The following MOGAT3 variants were observed in gnomAD, a reference collection of about 807,000 sequenced individuals.
MOGAT3 encodes the protein monoacylglycerol O-acyltransferase 3.
MOGAT3 carries 39 observed loss-of-function variants against 34.4 expected under a neutral mutation model. The ratio of observed to expected loss-of-function variants is 1.13; its 90% CI spans 0.88 to 1.48. MOGAT3 has a LOEUF of 1.48. MOGAT3 is among the 40% of genes most tolerant of loss of function. The pLI, the probability that MOGAT3 is intolerant of heterozygous loss-of-function variation, is 0.00. For synonymous variants in MOGAT3, 209 were observed against 179.2 expected (o/e 1.17, Z -1.33); for missense variants, 439 against 438.9 (o/e 1.00, Z 0.00).
intron 5 of MOGAT3, among the ~76,000 whole-genome samples, 153 bp from the exon 6 acceptor site, chr7:101,196,542 A>G (rs1323832250): frequency 6.6e-6 from 1 of 152,156 alleles, no homozygotes; most frequent in Non-Finnish European, 1.5e-5. Context: ...AAAGATCTAG[A>G]AGACAGGACT....
At position 101,200,226 on chromosome 7, in the gene MOGAT3, C is replaced by A. The variant is rs754469202; in HGVS notation, c.288+8G>T. 3 of 1,612,334 alleles carry A rather than the reference C, an allele frequency of 1.9e-6. No individual in the cohort carries two copies. The South Asian group carries it at 3.3e-5, about 18-fold the overall frequency. On this transcript the variant is annotated splice_region_variant and intron_variant, in intron 3 of 6. Coordinates refer to ENST00000223114, the MANE Select transcript of MOGAT3 (RefSeq NM_178176.4). ...AGGAAGCAGTTTTTCTGCAGGGTGA[C>A]CCATCACCTTGACAGGATAATAATC...
Position 101,200,307 on chromosome 7 carries a change from G to T in MOGAT3, c.218-3C>A, listed in dbSNP as rs1234877522. 1 of 1,613,838 alleles carries T rather than the reference G, an allele frequency of 6.2e-7. No homozygotes were observed. Among genetic ancestry groups the T allele is most frequent in the African/African-American group, 1.3e-5 (1 of 74,888 alleles). On this transcript the variant is annotated splice_polypyrimidine_tract_variant and splice_region_variant and intron_variant, in intron 2 of 6. Coordinates refer to ENST00000223114, the MANE Select transcript of MOGAT3 (RefSeq NM_178176.4). ...TATCCACTCCGAACGCCTTCCACCT[G>T]CGGACAATGAGATACTGGTGGACGA...
downstream of MOGAT3, among the ~76,000 whole-genome samples, chr7:101,194,679 T>C (rs1797739105): frequency 4.0e-5 from 6 of 151,184 alleles, no homozygotes; most frequent in Admixed American, 4.0e-4. Flanking sequence ...GTTTTTGTAT[T>C]TTTAGTAGAG....
intron 1 of MOGAT3, 60 bp from the exon 2 acceptor site, chr7:101,200,575 T>A: frequency 7.0e-7 from 1 of 1,425,992 alleles, no homozygotes; most frequent in Non-Finnish European, 9.7e-7. Flanking sequence ...TCCCTCCAGC[T>A]GCTCCCTTCC....
intron 3 of MOGAT3, 36 bp downstream of exon 3, chr7:101,200,198 G>T (rs750208754): frequency 1.3e-6 from 2 of 1,571,592 alleles, no homozygotes; most frequent in South Asian, 1.1e-5. Context: ...GATGGGGAGA[G>T]GTAGGAAGCA....
chr7:101,198,842 T>A lies in MOGAT3; in HGVS notation c.289-12A>T, dbSNP rs747789341. ...GCTGTTTTCACCAGCTTCGGGGTGTTGAGCAGGATGAAGGGAGGATGGAAG... is the reference window on the plus strand; with the variant it reads ...GCTGTTTTCACCAGCTTCGGGGTGTAGAGCAGGATGAAGGGAGGATGGAAG... On this transcript the variant is annotated splice_polypyrimidine_tract_variant and intron_variant, in intron 3 of 6. Transcript: ENST00000223114. 1.3e-5 allele frequency: 21 copies of A among 1,613,194 alleles called. No homozygotes were observed. The highest frequency in any genetic ancestry group is 1.7e-5 in the Non-Finnish European group (20 of 1,179,624).
chr7:101,198,074 G>A (rs1797842325), intron 5 of MOGAT3, 117 bp downstream of exon 5: 27 of 1,199,986 alleles, frequency 2.3e-5, no homozygotes, highest in Non-Finnish European at 3.1e-5. Context: ...TCGGTGCAGG[G>A]CAGGGCGCTG....
Position 101,196,385 on chromosome 7 carries a change from A to G in MOGAT3, c.673T>C (p.Ser225Pro). The change falls in exon 6 of 7, where the codon TCC becomes CCC. Residue 225 changes from serine to proline, a missense_variant. By Grantham distance (74) the Ser-to-Pro change is moderately conservative. Transcript: ENST00000223114. ...FVRLALRHGA[S>P]LVPVYSFGEN... ...CCAAAGGAGTACACGGGCACCAGGGACGCCCTGGGAAGGAGCAAGAGAGAA... is the reference window on the plus strand; with the variant it reads ...CCAAAGGAGTACACGGGCACCAGGGGCGCCCTGGGAAGGAGCAAGAGAGAA... The G allele has an allele frequency of 6.2e-7, 1 of 1,608,682 alleles. No individual in the cohort carries two copies. Among genetic ancestry groups the G allele is most frequent in the South Asian group, 1.1e-5 (1 of 90,466 alleles).
At chr7:101,199,049 C>T (rs1797883150) in intron 3 of MOGAT3, among the ~76,000 whole-genome samples, 1 of 142,586 alleles carries the variant, frequency 7.0e-6, no homozygotes, top group African/African-American at 2.7e-5. Flanking sequence ...GTAGCCCAGG[C>T]TGAAGTGCAG....
At position 101,198,258 on chromosome 7, in the gene MOGAT3, C is replaced by T; in HGVS notation, c.601G>A (p.Val201Ile). 2 of 1,613,520 alleles carry T rather than the reference C, an allele frequency of 1.2e-6. No homozygotes were observed. The highest frequency in any genetic ancestry group is 1.7e-6 in the Non-Finnish European group (2 of 1,179,722). The change falls in exon 5 of 7, where the codon GTC becomes ATC. Residue 201 changes from valine (V) to isoleucine (I), a missense_variant. Val to Ile is a conservative substitution (Grantham distance 29). Coordinates refer to ENST00000223114, the MANE Select transcript of MOGAT3 (RefSeq NM_178176.4). ...AGCGTAAGGCAGTGCTCCCCGGGGACTGAATACAGGGCCTCGTGCGCACCC... is the reference window on the plus strand; with the variant it reads ...AGCGTAAGGCAGTGCTCCCCGGGGATTGAATACAGGGCCTCGTGCGCACCC... Reference protein sequence around the residue: ...VGGAHEALYSVPGEHCLTLQK... With the variant: ...VGGAHEALYSIPGEHCLTLQK...
chr7:101,198,785 C>T lies in MOGAT3; in HGVS notation c.334G>A (p.Gly112Ser). The change falls in exon 4 of 7, where the codon GGC (glycine) becomes AGC (serine). Residue 112 changes from glycine (G) to serine (S), a missense_variant. Gly to Ser is a moderately conservative substitution (Grantham distance 56). Transcript: ENST00000223114. The part of the protein sequence containing the change: ...ELPPDRNYVL[G>S]AHPHGIMCTG... ...CACATGATCCCATGAGGGTGGGCGC[C>T]CAGCACGTAGTTCCGATCCGGGGGC... 6.2e-7 allele frequency: 1 copy of T among 1,613,886 alleles called. No homozygotes were observed.
At chr7:101,198,942 A>C in intron 3 of MOGAT3, 112 bp from the exon 4 acceptor site, 1 of 875,856 alleles carries the variant, frequency 1.1e-6, no homozygotes, top group East Asian at 2.5e-5. Flanking sequence ...GATAGGGTCA[A>C]GGGCCACCCC....
At chr7:101,198,428 C>G (rs1482380844) in intron 4 of MOGAT3, 63 bp from the exon 5 acceptor site, 7 of 1,475,090 alleles carry the variant, frequency 4.7e-6, no homozygotes, top group Non-Finnish European at 6.3e-6. Flanking sequence ...CGCCCCTCAC[C>G]CAGCCTTTAG....
chr7:101,200,148 A>G, intron 3 of MOGAT3, 86 bp downstream of exon 3: 1 of 1,160,528 alleles, frequency 8.6e-7, no homozygotes, highest in Admixed American at 1.7e-5. Flanking sequence ...CGGGGAGCTC[A>G]GGCCCCAGCA....
chr7:101,198,097 C>A, intron 5 of MOGAT3, 94 bp downstream of exon 5: 1 of 1,418,574 alleles, frequency 7.0e-7, no homozygotes. Flanking sequence ...CTCTGGGCAC[C>A]CGGATCCCCC....
Position 101,198,196 on chromosome 7 carries a change from C to A in MOGAT3, c.663G>T (p.Arg221Ser), listed in dbSNP as rs1284789809. 4.3e-6 allele frequency: 7 copies of A among 1,611,778 alleles called. No individual in the cohort carries two copies. In the African/African-American group the frequency reaches 8.0e-5, roughly 18 times the overall value. ...KRKGFVRLAL[R>S]HGASLVPVYS... ...GGGCCTGCACGCGCACTCACCCGTG[C>A]CTCAGCGCCAGGCGCACGAAGCCTT... is the stretch of plus-strand genomic sequence containing the variant. The change falls in exon 5 of 7, where the codon AGG becomes AGT. Residue 221 changes from arginine (R) to serine (S), a missense_variant. Physicochemically the swap from Arg to Ser is moderately radical, Grantham distance 110. Transcript: ENST00000223114.
chr7:101,199,000 GTTT>G (rs56137538), intron 3 of MOGAT3, among the ~76,000 whole-genome samples, 170 bp from the exon 4 acceptor site: 8 of 100,186 alleles, frequency 8.0e-5, no homozygotes, highest in Admixed American at 2.2e-4. Flanking sequence ...AAGGGCCCAG[GTTT>G]TTTTTTTTTT....
At position 101,195,828 on chromosome 7, in the gene MOGAT3, C is replaced by T. The variant is rs1257722789; in HGVS notation, c.*118G>A. The T allele has an allele frequency of 3.5e-6, 4 of 1,151,082 alleles. No homozygotes were observed. Among genetic ancestry groups the T allele is most frequent in the African/African-American group, 3.1e-5 (2 of 65,462 alleles). The allele number at this position is 1,151,082 out of a possible 1,614,324, so 71.3% of individuals were successfully genotyped here. ...TTGGCCTCCCAAAGTGCTGGGATTA[C>T]AGGCATGAGGCACTGCGCTGGGCCC... On this transcript the variant is annotated 3_prime_UTR_variant, in exon 7 of 7. Transcript: ENST00000223114.
chr7:101,198,807 G>C lies in MOGAT3; in HGVS notation c.312C>G (p.Pro104=), dbSNP rs368078678. The C allele has an allele frequency of 4.3e-6, 7 of 1,613,868 alleles. No individual in the cohort carries two copies. The highest frequency in any genetic ancestry group is 2.7e-5 in the African/African-American group (2 of 74,870). Reference sequence around the variant, plus strand: ...CGCCCAGCACGTAGTTCCGATCCGGGGGCAGCTCTGCTGTTTTCACCAGCT... The same window carrying C: ...CGCCCAGCACGTAGTTCCGATCCGGCGGCAGCTCTGCTGTTTTCACCAGCT... The part of the protein sequence containing the change: ...PVKLVKTAEL[P]PDRNYVLGAH... The change falls in exon 4 of 7, where the codon CCC becomes CCG. Residue 104 remains proline (P), a synonymous_variant. Transcript: ENST00000223114.
Sources: allele counts gnomAD v4.1 joint callset (sites outside exome capture counted in the v4.1 genomes callset), GRCh38; gene constraint gnomAD v4.1.1; transcripts MANE v1.5; gene names NCBI Gene and HGNC (gene_info 2026-07-23, HGNC 2026-07-21).